The following NXPH1 variants were observed in gnomAD, a reference collection of about 807,000 sequenced individuals.
NXPH1 encodes the protein neurexophilin 1, also known as neurexophilin-1.
A neutral mutation model predicts 23.7 loss-of-function variants in NXPH1; 5 were observed. The ratio of observed to expected loss-of-function variants is 0.21; its 90% CI spans 0.11 to 0.44. The LOEUF (loss-of-function observed/expected upper bound fraction) is 0.44, where lower values mean the gene tolerates loss of function less well. Among genes scored for constraint, NXPH1 ranks in the 20% least tolerant of loss-of-function variants. The pLI, the probability that NXPH1 is intolerant of heterozygous loss-of-function variation, is 0.99. For synonymous variants in NXPH1, 144 were observed against 122.2 expected (o/e 1.18, Z -1.18); for missense variants, 324 against 321.6 (o/e 1.01, Z -0.06).
chr7:8,716,892 C>T (rs901598334), intron 2 of NXPH1, among the ~76,000 whole-genome samples: 11 of 152,198 alleles, frequency 7.2e-5, no homozygotes, highest in African/African-American at 2.7e-4. Flanking sequence ...TGGCCCTTCC[C>T]CCAGGATTAT....
chr7:8,740,869 A>G (rs1175602391), intron 2 of NXPH1, among the ~76,000 whole-genome samples: 1 of 152,198 alleles, frequency 6.6e-6, no homozygotes, highest in African/African-American at 2.4e-5. Flanking sequence ...TAAAATATCC[A>G]TTACCTCACA....
chr7:8,520,149 G>A (rs1284191609), intron 2 of NXPH1, among the ~76,000 whole-genome samples: 5 of 152,128 alleles, frequency 3.3e-5, no homozygotes, highest in Non-Finnish European at 7.4e-5. Context: ...ACGAGAATCT[G>A]GAATAATCTT....
In NXPH1 at chr7:8,476,092, A is replaced by T. The variant is rs1584180934; in HGVS notation, c.54+40325A>T. Among the ~76,000 whole-genome samples, 2 of 152,186 alleles carry T rather than the reference A, an allele frequency of 1.3e-5. 1 individual carries two copies. Among genetic ancestry groups the T allele is most frequent in the Non-Finnish European group, 2.9e-5 (2 of 68,030 alleles). ...AAAGTAATTTGATAAGTTCTTCTACAGTAGGTTTCTTAACATTTTGGGGAC... is the reference window on the plus strand; with the variant it reads ...AAAGTAATTTGATAAGTTCTTCTACTGTAGGTTTCTTAACATTTTGGGGAC... On this transcript the variant is annotated intron_variant, in intron 2 of 2. Coordinates refer to ENST00000405863, the MANE Select transcript of NXPH1 (RefSeq NM_152745.3).
At chr7:8,496,871 A>T (rs1817346100) in intron 2 of NXPH1, among the ~76,000 whole-genome samples, 1 of 152,034 alleles carries the variant, frequency 6.6e-6, no homozygotes. Context: ...ATAAAAACAG[A>T]TTTTTTAAAA....
intron 2 of NXPH1, among the ~76,000 whole-genome samples, chr7:8,707,216 T>C (rs565131213): frequency 8.5e-5 from 13 of 152,354 alleles, no homozygotes; most frequent in African/African-American, 3.1e-4. Context: ...AGGAATTTAT[T>C]TGGCATTTGT....
Position 8,548,744 on chromosome 7 carries a change from C to T in NXPH1, c.54+112977C>T, listed in dbSNP as rs73050655. 3.7e-3 allele frequency among the ~76,000 whole-genome samples: 555 copies of T among 151,558 alleles called. 1 individual carries two copies. The highest frequency in any genetic ancestry group is 4.5e-3 in the Non-Finnish European group (305 of 67,608). ...TGTGCTCATTCACTTAGTCCTATTT[C>T]GCTATCACATATTCACTATCTGTTA... On this transcript the variant is annotated intron_variant, in intron 2 of 2. Transcript: ENST00000405863.
intron 2 of NXPH1, among the ~76,000 whole-genome samples, chr7:8,578,426 C>T (rs1818795156): frequency 6.6e-6 from 1 of 152,176 alleles, no homozygotes; most frequent in Non-Finnish European, 1.5e-5. Context: ...TCAACTATAG[C>T]CTCAGCAAAT....
intron 2 of NXPH1, among the ~76,000 whole-genome samples, chr7:8,699,705 T>G (rs1267990468): frequency 6.6e-6 from 1 of 152,164 alleles, no homozygotes; most frequent in African/African-American, 2.4e-5. Context: ...CAAGTTAAAA[T>G]AATCTGTCTT....
chr7:8,519,497 A>C (rs1299928921), intron 2 of NXPH1, among the ~76,000 whole-genome samples: 1 of 152,210 alleles, frequency 6.6e-6, no homozygotes, highest in Non-Finnish European at 1.5e-5. Context: ...GATACACTTA[A>C]ACTAAGGGAT....
chr7:8,721,219 G>T (rs956665523), intron 2 of NXPH1, among the ~76,000 whole-genome samples: 3 of 152,078 alleles, frequency 2.0e-5, no homozygotes, highest in Admixed American at 6.6e-5. Context: ...TCTCAAAATG[G>T]CTCAGAAAAT....
rs371107479 is a variant in NXPH1 at position 8,699,369 on chromosome 7, ATC to A, written c.55-51635_55-51634del. On this transcript the variant is annotated intron_variant, in intron 2 of 2. Coordinates refer to ENST00000405863, the MANE Select transcript of NXPH1 (RefSeq NM_152745.3). Reference sequence around the variant, plus strand: ...TTATTAGAAAAGATCTTCAGTTTTTATCTCTGATTTTCCCTTTGCAAATTCAC... The same window carrying A: ...TTATTAGAAAAGATCTTCAGTTTTTATCTGATTTTCCCTTTGCAAATTCAC... 5.4e-4 allele frequency among the ~76,000 whole-genome samples: 82 copies of A among 152,180 alleles called. 1 individual carries two copies. Among genetic ancestry groups the A allele is most frequent in the African/African-American group, 1.9e-3 (79 of 41,558 alleles).
chr7:8,724,922 G>T (rs1780024473), intron 2 of NXPH1, among the ~76,000 whole-genome samples: 1 of 152,178 alleles, frequency 6.6e-6, no homozygotes, highest in Admixed American at 6.5e-5. Context: ...AAATGGTGAT[G>T]CAAGACCAAA....
intron 2 of NXPH1, among the ~76,000 whole-genome samples, chr7:8,545,499 TC>T (rs757739961): frequency 9.2e-5 from 14 of 151,520 alleles, no homozygotes; most frequent in Non-Finnish European, 1.5e-4. Flanking sequence ...AGATTTTACT[TC>T]GAGGGCATAT....
At chr7:8,718,353 A>T (rs1458662256) in intron 2 of NXPH1, among the ~76,000 whole-genome samples, 1 of 152,178 alleles carries the variant, frequency 6.6e-6, no homozygotes, top group African/African-American at 2.4e-5. Context: ...GCACCTGAGC[A>T]ATTGGTTCTT....
intron 2 of NXPH1, among the ~76,000 whole-genome samples, chr7:8,671,781 AAAT>A (rs1820872518): frequency 1.3e-5 from 2 of 152,194 alleles, no homozygotes; most frequent in Non-Finnish European, 2.9e-5. Context: ...GGATGGAATG[AAAT>A]AATAAGTGTA....
chr7:8,586,327 G>C (rs887714164), intron 2 of NXPH1, among the ~76,000 whole-genome samples: 41 of 152,104 alleles, frequency 2.7e-4, no homozygotes, highest in African/African-American at 9.9e-4. Context: ...ATTTATTCCT[G>C]ATCTCAAAGA....
intron 2 of NXPH1, among the ~76,000 whole-genome samples, chr7:8,694,211 G>A (rs577687916): frequency 1.3e-5 from 2 of 152,240 alleles, no homozygotes; most frequent in East Asian, 3.9e-4. Flanking sequence ...TGCTCATGAT[G>A]TTAGAATGCA....
chr7:8,619,461 T>C (rs1051665654), intron 2 of NXPH1, among the ~76,000 whole-genome samples: 1 of 152,216 alleles, frequency 6.6e-6, no homozygotes, highest in Non-Finnish European at 1.5e-5. Flanking sequence ...GCAAATGATG[T>C]TCAATGCTCT....
At chr7:8,465,805 A>G (rs1816778171) in intron 2 of NXPH1, among the ~76,000 whole-genome samples, 1 of 152,096 alleles carries the variant, frequency 6.6e-6, no homozygotes, top group Non-Finnish European at 1.5e-5. Flanking sequence ...ACACAACATG[A>G]CTCTCATGGG....
Sources: gnomAD v4.1 joint callset for allele counts (sites outside exome capture counted in the v4.1 genomes callset) on GRCh38, gnomAD v4.1.1 for gene constraint, MANE v1.5 for transcripts, NCBI Gene and HGNC (gene_info 2026-07-23, HGNC 2026-07-21) for gene names.